The following CNTLN variants were observed in gnomAD, a reference collection of about 807,000 sequenced individuals.
CNTLN encodes the protein centlein, centrosomal protein.
CNTLN carries 212 observed loss-of-function variants against 180.0 expected under a neutral mutation model. The ratio of observed to expected loss-of-function variants is 1.18; its 90% CI spans 1.05 to 1.32. The LOEUF (loss-of-function observed/expected upper bound fraction) is 1.32. CNTLN is among the 40% of genes most tolerant of loss of function. The probability of loss-of-function intolerance (pLI) is 0.00; values close to 1 mark genes in which losing one functional copy is unlikely to be tolerated. For missense variants in CNTLN, 2,095 were observed against 1,610.9 expected, an observed-to-expected ratio of 1.30 and a Z score of -5.14; for synonymous variants, 722 against 563.1, an observed-to-expected ratio of 1.28 and a Z score of -3.99.
intron 15 of CNTLN, among the ~76,000 whole-genome samples, chr9:17,400,436 C>T (rs1016154259): frequency 6.6e-6 from 1 of 152,138 alleles, no homozygotes; most frequent in Non-Finnish European, 1.5e-5. Flanking sequence ...TGTGCCTGGC[C>T]AACTGTACCA....
chr9:17,339,814 A>G (rs745848592), intron 10 of CNTLN, among the ~76,000 whole-genome samples: 43 of 152,176 alleles, frequency 2.8e-4, no homozygotes, highest in Admixed American at 8.5e-4. Context: ...AATTCATTTT[A>G]TATATATCTA....
intron 14 of CNTLN, among the ~76,000 whole-genome samples, chr9:17,389,977 C>G (rs1183971693): frequency 6.6e-6 from 1 of 151,930 alleles, no homozygotes; most frequent in Non-Finnish European, 1.5e-5. Flanking sequence ...AGAATACAGA[C>G]AAATACAGAG....
rs565384457 is a variant in CNTLN at position 17,403,628 on chromosome 9, T to C, written c.2616-5665T>C. ...TTACCAATATTACCATTCTTAGATT[T>C]ACAAAATGACTTATATATCCCTATG... On this transcript the variant is annotated intron_variant, in intron 15 of 25. Coordinates refer to ENST00000380647, the MANE Select transcript of CNTLN (RefSeq NM_017738.4). Among the ~76,000 whole-genome samples, 6 of 151,728 alleles carry C rather than the reference T, an allele frequency of 4.0e-5. No homozygotes were observed. The East Asian group carries it at 1.2e-3, about 29-fold the overall frequency.
intron 23 of CNTLN, among the ~76,000 whole-genome samples, chr9:17,478,643 T>C (rs7467106): frequency 0.072 from 10,914 of 152,138 alleles, 1,143 homozygotes; most frequent in African/African-American, 0.23. Flanking sequence ...TTAAGTCTTT[T>C]ATCCATCTTG....
chr9:17,438,979 G>A (rs1365289296), intron 18 of CNTLN, among the ~76,000 whole-genome samples: 10 of 152,064 alleles, frequency 6.6e-5, no homozygotes, highest in African/African-American at 2.4e-4. Context: ...AGAAGGGAAT[G>A]ATATACTTTA....
chr9:17,363,611 C>T (rs574261509), intron 12 of CNTLN, among the ~76,000 whole-genome samples: 2 of 151,542 alleles, frequency 1.3e-5, no homozygotes, highest in South Asian at 4.2e-4. Flanking sequence ...TTGACAAAGT[C>T]TAAAGTTCAT....
At chr9:17,396,662 C>T (rs560083803) in intron 15 of CNTLN, among the ~76,000 whole-genome samples, 3 of 152,210 alleles carry the variant, frequency 2.0e-5, no homozygotes, top group African/African-American at 7.2e-5. Flanking sequence ...ATTAGAAGCA[C>T]CTGGAGGTTT....
chr9:17,178,140 A>G (rs1394369539), intron 2 of CNTLN, among the ~76,000 whole-genome samples: 1 of 151,658 alleles, frequency 6.6e-6, no homozygotes. Context: ...TTAGCTAGAC[A>G]TAAAGGTTCT....
intron 18 of CNTLN, among the ~76,000 whole-genome samples, chr9:17,428,099 C>T (rs930612702): frequency 1.2e-4 from 18 of 152,112 alleles, no homozygotes; most frequent in Admixed American, 9.8e-4. Flanking sequence ...CACCCTTGTT[C>T]AAGGAATGGC....
intron 13 of CNTLN, among the ~76,000 whole-genome samples, chr9:17,383,505 C>A (rs552380020): frequency 6.6e-6 from 1 of 150,888 alleles, no homozygotes; most frequent in Non-Finnish European, 1.5e-5. Context: ...TACAGCAGGA[C>A]CCTGTCTTAA....
chr9:17,396,068 C>T (rs1419999533), intron 15 of CNTLN, among the ~76,000 whole-genome samples: 3 of 152,128 alleles, frequency 2.0e-5, no homozygotes, highest in Non-Finnish European at 2.9e-5. Flanking sequence ...CTCGCACCAG[C>T]GCCATGACAG....
intron 2 of CNTLN, among the ~76,000 whole-genome samples, chr9:17,192,469 C>A (rs1177370819): frequency 6.6e-6 from 1 of 150,926 alleles, no homozygotes; most frequent in African/African-American, 2.4e-5. Flanking sequence ...GAATTCCCGA[C>A]CTCGTGATCC....
At chr9:17,357,593 T>A (rs1380934483) in intron 12 of CNTLN, among the ~76,000 whole-genome samples, 3 of 90,714 alleles carry the variant, frequency 3.3e-5, no homozygotes, top group Non-Finnish European at 7.1e-5. Context: ...TATATATATA[T>A]AAATACTACA....
At chr9:17,263,502 T>C (rs1827170026) in intron 5 of CNTLN, among the ~76,000 whole-genome samples, 2 of 151,470 alleles carry the variant, frequency 1.3e-5, no homozygotes, top group East Asian at 3.9e-4. Context: ...ACAATAAACA[T>C]ATGTGTGCAT....
intron 8 of CNTLN, among the ~76,000 whole-genome samples, chr9:17,314,968 T>C (rs1375006085): frequency 6.6e-6 from 1 of 152,132 alleles, no homozygotes; most frequent in African/African-American, 2.4e-5. Context: ...TTGTTGATCT[T>C]ATCACCAATT....
intron 2 of CNTLN, among the ~76,000 whole-genome samples, chr9:17,158,518 T>C (rs113833919): frequency 6.6e-6 from 1 of 152,056 alleles, no homozygotes; most frequent in Non-Finnish European, 1.5e-5. Flanking sequence ...GGCTTTTCTT[T>C]GTGGGTAATT....
At chr9:17,188,953 ATT>A (rs1348756093) in intron 2 of CNTLN, among the ~76,000 whole-genome samples, 30 of 150,558 alleles carry the variant, frequency 2.0e-4, no homozygotes, top group Non-Finnish European at 4.3e-4. Context: ...GATACTTGAC[ATT>A]ATGAATTTTA....
rs1446807033 is a variant in CNTLN, at chr9:17,142,063, C to T, written c.361-1225C>T. Among the ~76,000 whole-genome samples, 12 of 131,884 alleles carry T rather than the reference C, an allele frequency of 9.1e-5. 1 individual carries two copies. The highest frequency in any genetic ancestry group is 4.5e-3 in the Middle Eastern group (1 of 222). 86.5% of individuals were successfully genotyped at this position (131,884 alleles called of 152,430 possible). ...CGCCACTGCACTCCAGCCTGGGCGACAGAGCAAGACTCTGTCTCAGAAAAA... is the reference window on the plus strand; with the variant it reads ...CGCCACTGCACTCCAGCCTGGGCGATAGAGCAAGACTCTGTCTCAGAAAAA... On this transcript the variant is annotated intron_variant, in intron 1 of 25. Transcript: ENST00000380647.
At chr9:17,226,358 T>C in intron 3 of CNTLN, 71 bp downstream of exon 3, 2 of 852,992 alleles carry the variant, frequency 2.3e-6, no homozygotes, top group Non-Finnish European at 3.5e-6. Flanking sequence ...AAATTATTTT[T>C]ATTTTTTTGC....
Sources: allele counts gnomAD v4.1 joint callset (sites outside exome capture counted in the v4.1 genomes callset), GRCh38; gene constraint gnomAD v4.1.1; transcripts MANE v1.5; gene names NCBI Gene and HGNC (gene_info 2026-07-23, HGNC 2026-07-21).